NFIX: variants seen among roughly 807,000 people sequenced by gnomAD.
The protein encoded by NFIX is nuclear factor I X, also known as nuclear factor 1 X-type.
In NFIX, 2 loss-of-function variants were observed where a neutral mutation model predicts 53.3. The ratio of observed to expected loss-of-function variants is 0.04; its 90% confidence interval spans 0.02 to 0.12. NFIX has a LOEUF of 0.12. Among genes scored for constraint, NFIX ranks in the 10% least tolerant of loss-of-function variants. NFIX has a pLI of 1.00. For synonymous variants in NFIX, 244 were observed against 289.0 expected (o/e 0.84, Z 1.58); for missense variants, 310 against 674.5 (o/e 0.46, Z 5.99).
rs770456386 is a variant in NFIX at position 13,025,445 on chromosome 19, A to T, written c.452A>T (p.Tyr151Phe). The change falls in exon 2 of 11, where the codon TAC becomes TTC. Residue 151 changes from tyrosine to phenylalanine, a missense_variant. Physicochemically the swap from Tyr to Phe is conservative, Grantham distance 22 (BLOSUM62 3). Coordinates refer to ENST00000592199, the MANE Select transcript of NFIX (RefSeq NM_001365902.3). This position sits in a 1 kb window ranked among gnomAD's most constrained non-coding sequence, Gnocchi z 7.5. ...PLESTDGERL[Y>F]KSPQCSNPGL... Reference sequence around the variant, plus strand: ...GAAAGTACTGATGGGGAGCGGCTCTACAAGTCGCCTCAGTGCTCGAACCCC... The same window carrying T: ...GAAAGTACTGATGGGGAGCGGCTCTTCAAGTCGCCTCAGTGCTCGAACCCC... The T allele has an allele frequency of 2.5e-6, 4 of 1,614,048 alleles. No homozygotes were observed. The highest frequency in any genetic ancestry group is 2.5e-6 in the Non-Finnish European group (3 of 1,179,914).
rs2013482815 is a variant in NFIX at position 13,027,755 on chromosome 19, T to TAA, written c.559+2204_559+2205dup. On this transcript the variant is annotated intron_variant, in intron 2 of 10. Coordinates refer to ENST00000592199, the MANE Select transcript of NFIX (RefSeq NM_001365902.3). The surrounding 1 kb of genome is among the most constrained non-coding windows in gnomAD (Gnocchi z 4.3). ...GCCCCACCATGCCTCCCTGCCAGCTTAAGAGATCATTCGCCCAGGAATATG... is the reference window on the plus strand; with the variant it reads ...GCCCCACCATGCCTCCCTGCCAGCTTAAAAGAGATCATTCGCCCAGGAATATG... Among the ~76,000 whole-genome samples the TAA allele has an allele frequency of 6.6e-6, 1 of 152,208 alleles. No individual in the cohort carries two copies. Among genetic ancestry groups the TAA allele is most frequent in the South Asian group, 2.1e-4 (1 of 4,834 alleles).
chr19:13,049,662 C>G lies in NFIX; in HGVS notation c.560-23385C>G, dbSNP rs575812661. On this transcript the variant is annotated intron_variant, in intron 2 of 10. Transcript: ENST00000592199. The surrounding 1 kb of genome is among the most constrained non-coding windows in gnomAD (Gnocchi z 4.5). Reference sequence around the variant, plus strand: ...AGGCTGGAGTGCAGTGGCGCGATCTCTGCTCACTGCAACCTCTGCCTCCTG... The same window carrying G: ...AGGCTGGAGTGCAGTGGCGCGATCTGTGCTCACTGCAACCTCTGCCTCCTG... Among the ~76,000 whole-genome samples the G allele has an allele frequency of 1.3e-5, 2 of 150,290 alleles. No homozygotes were observed. The highest frequency in any genetic ancestry group is 2.9e-5 in the Non-Finnish European group (2 of 67,884).
At position 13,090,151 on chromosome 19, in the gene NFIX, C is replaced by G. The variant is rs2018045126; in HGVS notation, c.1403-148C>G. On this transcript the variant is annotated intron_variant, in intron 9 of 10. Transcript: ENST00000592199. This position sits in a 1 kb window ranked among gnomAD's most constrained non-coding sequence, Gnocchi z 6.6. ...GAGCCTGGCCTTCAGCTCAGATGCC[C>G]CTCTGGCCCATCCTTCCCACTGCCA... 1.4e-6 allele frequency: 1 copy of G among 732,560 alleles called. No individual in the cohort carries two copies. The highest frequency in any genetic ancestry group is 2.6e-5 in the East Asian group (1 of 38,286). 45.4% of individuals were successfully genotyped at this position (732,560 alleles called of 1,614,324 possible).
In NFIX at chr19:13,068,991, C is replaced by T. The variant is rs1024718862; in HGVS notation, c.560-4056C>T. 2.0e-5 allele frequency among the ~76,000 whole-genome samples: 3 copies of T among 152,258 alleles called. No homozygotes were observed. The highest frequency in any genetic ancestry group is 7.2e-5 in the African/African-American group (3 of 41,472). On this transcript the variant is annotated intron_variant, in intron 2 of 10. Transcript: ENST00000592199. The surrounding 1 kb of genome is among the most constrained non-coding windows in gnomAD (Gnocchi z 4.2). ...CCGAATGCCAGCCTGGCCAAGGCAC[C>T]TGTCGGACACAGCGGCTGGGCTCAG...
chr19:13,023,316 C>T (rs1035372173), intron 1 of NFIX, among the ~76,000 whole-genome samples: 1 of 152,038 alleles, frequency 6.6e-6, no homozygotes, highest in African/African-American at 2.4e-5. Context: ...CTCCCTCCCC[C>T]CCTTCTTCCT....
chr19:13,025,949 G>A lies in NFIX; in HGVS notation c.559+397G>A, dbSNP rs1356775633. ...ATTAAAATGAGTCAGAAGAAGTATTGAGGGGCAGGTGCTAGTTTTACTGCA... is the reference window on the plus strand; with the variant it reads ...ATTAAAATGAGTCAGAAGAAGTATTAAGGGGCAGGTGCTAGTTTTACTGCA... On this transcript the variant is annotated intron_variant, in intron 2 of 10. Transcript: ENST00000592199. This position sits in a 1 kb window ranked among gnomAD's most constrained non-coding sequence, Gnocchi z 7.5. 6.6e-6 allele frequency among the ~76,000 whole-genome samples: 1 copy of A among 152,196 alleles called. No individual in the cohort carries two copies. Among genetic ancestry groups the A allele is most frequent in the African/African-American group, 2.4e-5 (1 of 41,438 alleles).
rs745895356 is a variant in NFIX at position 13,075,602 on chromosome 19, C to T, written c.886C>T (p.Pro296Ser). The T allele has an allele frequency of 6.2e-7, 1 of 1,613,676 alleles. No homozygotes were observed. The highest frequency in any genetic ancestry group is 8.5e-7 in the Non-Finnish European group (1 of 1,179,792). Residue 296 changes from proline to serine, a missense_variant, in exon 6 of 11, where the codon CCC (proline) becomes TCC (serine). Physicochemically the swap from Pro to Ser is moderately conservative, Grantham distance 74 (BLOSUM62 -1). Around this residue, in one of 5 missense-constraint regions of NFIX, gnomAD observed 164 missense variants for 284.4 expected, o/e 0.58. Transcript: ENST00000592199. Reference protein sequence around the residue: ...MESPVDDVFYPGTGRSPAAGS... With the variant: ...MESPVDDVFYSGTGRSPAAGS... ...GAGCCCTGTTGATGACGTGTTCTATCCCGGGACAGGCCGTTCCCCAGCAGC... is the reference window on the plus strand; with the variant it reads ...GAGCCCTGTTGATGACGTGTTCTATTCCGGGACAGGCCGTTCCCCAGCAGC...
intron 2 of NFIX, among the ~76,000 whole-genome samples, chr19:13,064,231 C>A (rs2016266906): frequency 6.6e-6 from 1 of 152,214 alleles, no homozygotes; most frequent in South Asian, 2.1e-4. Flanking sequence ...ACTCTTGGCC[C>A]CAGGCCCTCT....
rs3046151 is a variant in NFIX at position 12,996,142 on chromosome 19, C to CGTGTGTGTGTGTGTGTGTGT, written c.27+288_27+307dup. 6.9e-6 allele frequency among the ~76,000 whole-genome samples: 1 copy of CGTGTGTGTGTGTGTGTGTGT among 145,726 alleles called. No individual in the cohort carries two copies. Among genetic ancestry groups the CGTGTGTGTGTGTGTGTGTGT allele is most frequent in the Non-Finnish European group, 1.5e-5 (1 of 65,674 alleles). On this transcript the variant is annotated intron_variant, in intron 1 of 10. Transcript: ENST00000592199. The surrounding 1 kb of genome is among the most constrained non-coding windows in gnomAD (Gnocchi z 5.2). ...TGGAGCGCAGGCGGGAGTGCGTGTACGTGTGTGTGTGTGTGTGTGTGTGTG... is the reference window on the plus strand; with the variant it reads ...TGGAGCGCAGGCGGGAGTGCGTGTACGTGTGTGTGTGTGTGTGTGTGTGTGTGTGTGTGTGTGTGTGTGTG...
rs948817211 is a variant in NFIX at position 13,068,336 on chromosome 19, G to T, written c.560-4711G>T. ...GGAAGGACAGAGGGAGGGGAGCCAA[G>T]GGAGACAGGGAAGTAAGATCAGAAA... On this transcript the variant is annotated intron_variant, in intron 2 of 10. Coordinates refer to ENST00000592199, the MANE Select transcript of NFIX (RefSeq NM_001365902.3). The surrounding 1 kb of genome is among the most constrained non-coding windows in gnomAD (Gnocchi z 4.2). 1.3e-5 allele frequency among the ~76,000 whole-genome samples: 2 copies of T among 152,164 alleles called. No homozygotes were observed. Among genetic ancestry groups the T allele is most frequent in the African/African-American group, 4.8e-5 (2 of 41,432 alleles).
At position 13,041,793 on chromosome 19, in the gene NFIX, CAAAAA is replaced by C. The variant is rs755429201; in HGVS notation, c.559+16254_559+16258del. Among the ~76,000 whole-genome samples the C allele has an allele frequency of 7.6e-4, 79 of 103,366 alleles. No individual in the cohort carries two copies. In the South Asian group the frequency reaches 0.017, roughly 22 times the overall value. 67.8% of individuals were successfully genotyped at this position (103,366 alleles called of 152,430 possible). ...TGGGCAACAGAGCCAGACTCCGTCT[CAAAAA>C]AAAAAAAAAAAATCAGTACCATTGT... On this transcript the variant is annotated intron_variant, in intron 2 of 10. Transcript: ENST00000592199.
intron 2 of NFIX, among the ~76,000 whole-genome samples, chr19:13,034,091 A>G (rs1397618207): frequency 6.6e-6 from 1 of 152,218 alleles, no homozygotes; most frequent in Non-Finnish European, 1.5e-5. Context: ...CCTGGAGCTC[A>G]TTCTGAGGGC....
intron 2 of NFIX, among the ~76,000 whole-genome samples, chr19:13,057,334 C>T (rs2015765692): frequency 6.6e-6 from 1 of 152,224 alleles, no homozygotes; most frequent in East Asian, 1.9e-4. Flanking sequence ...GAAACAACCC[C>T]ATTGTCATCC....
chr19:13,023,560 G>T (rs1002468960), intron 1 of NFIX, among the ~76,000 whole-genome samples: 1 of 151,536 alleles, frequency 6.6e-6, no homozygotes, highest in African/African-American at 2.4e-5. Context: ...CGGGGGTGGG[G>T]TGGGGTGCGT....
At chr19:13,083,237 A>G (rs569815107) in intron 8 of NFIX, among the ~76,000 whole-genome samples, 1 of 152,306 alleles carries the variant, frequency 6.6e-6, no homozygotes, top group Non-Finnish European at 1.5e-5. Context: ...ATGCCAGCAG[A>G]GTTCACGGGG....
At position 13,001,586 on chromosome 19, in the gene NFIX, G is replaced by A. The variant is rs1030941032; in HGVS notation, c.27+5722G>A. On this transcript the variant is annotated intron_variant, in intron 1 of 10. Transcript: ENST00000592199. This position sits in a 1 kb window ranked among gnomAD's most constrained non-coding sequence, Gnocchi z 6.5. ...GCAGTGTTTTTCTGGGTGTCTGTGC[G>A]TCACGGCAAAGAGTGTATCCGTGTG... is the stretch of plus-strand genomic sequence containing the variant. 3.3e-5 allele frequency among the ~76,000 whole-genome samples: 5 copies of A among 152,168 alleles called. No individual in the cohort carries two copies. The highest frequency in any genetic ancestry group is 4.8e-5 in the African/African-American group (2 of 41,424).
intron 2 of NFIX, among the ~76,000 whole-genome samples, chr19:13,056,435 T>G (rs1417980809): frequency 6.6e-6 from 1 of 152,162 alleles, no homozygotes; most frequent in South Asian, 2.1e-4. Flanking sequence ...GAGGTGAGCT[T>G]GCATAGGCTG....
intron 1 of NFIX, among the ~76,000 whole-genome samples, chr19:13,015,185 A>G (rs1340561166): frequency 6.6e-6 from 1 of 151,900 alleles, no homozygotes; most frequent in African/African-American, 2.4e-5. Context: ...GTCTTTTTAC[A>G]TAAGCAGAAA....
intron 1 of NFIX, among the ~76,000 whole-genome samples, chr19:13,000,841 G>A (rs915679824): frequency 2.6e-5 from 4 of 152,176 alleles, no homozygotes; most frequent in South Asian, 2.1e-4. Flanking sequence ...GGCACATTGC[G>A]GGTGGGAGCA....
Sources: gnomAD v4.1 joint callset for allele counts (sites outside exome capture counted in the v4.1 genomes callset) on GRCh38, gnomAD v4.1.1 for gene constraint, gnomAD v4.1.1 regional missense constraint, Gnocchi (gnomAD v3.1) non-coding constraint, MANE v1.5 for transcripts, NCBI Gene and HGNC (gene_info 2026-07-23, HGNC 2026-07-21) for gene names.